The following PAWR variants were observed in gnomAD, a reference collection of about 807,000 sequenced individuals.
PAWR encodes pro-apoptotic WT1 regulator.
Under a neutral mutation model 32.0 loss-of-function variants are expected in PAWR, and 23 were observed. The observed-to-expected ratio is 0.72, with a 90% CI of 0.52 to 1.02. PAWR has a LOEUF of 1.02. Among genes scored for constraint, PAWR ranks in the 50% least tolerant of loss-of-function variants. PAWR has a pLI of 0.00. For missense variants in PAWR, 457 were observed against 437.7 expected, an observed-to-expected ratio of 1.04 and a Z score of -0.39; for synonymous variants, 226 against 187.1, an observed-to-expected ratio of 1.21 and a Z score of -1.70.
chr12:79,612,157 T>C (rs1388428112), intron 4 of PAWR, among the ~76,000 whole-genome samples: 2 of 152,136 alleles, frequency 1.3e-5, no homozygotes, highest in African/African-American at 4.8e-5. Context: ...TTTTTTCCAG[T>C]TTAAACTATT....
intron 2 of PAWR, among the ~76,000 whole-genome samples, chr12:79,671,123 TAAAA>T (rs80196711): frequency 1.0e-5 from 1 of 99,002 alleles, no homozygotes. Context: ...CCTTAGCACT[TAAAA>T]AAAAAAAAAA....
At chr12:79,656,393 A>G (rs1877095352) in intron 2 of PAWR, among the ~76,000 whole-genome samples, 1 of 152,184 alleles carries the variant, frequency 6.6e-6, no homozygotes, top group South Asian at 2.1e-4. Context: ...AATCTGAGCA[A>G]TATCTAGAAC....
rs8176842 is a variant in PAWR at position 79,637,191 on chromosome 12, G to C, written c.517-15984C>G. Among the ~76,000 whole-genome samples, 1,262 of 152,158 alleles carry C rather than the reference G, an allele frequency of 8.3e-3. 13 individuals are homozygous for C. The highest frequency in any genetic ancestry group is 0.025 in the African/African-American group (1,020 of 41,516). On this transcript the variant is annotated intron_variant, in intron 2 of 6. Coordinates refer to ENST00000328827, the MANE Select transcript of PAWR (RefSeq NM_002583.4). Reference sequence around the variant, plus strand: ...ATTAGAGCTCCCTAAAAGGGGGATGGGCAGGGCAGTCTATTTGGGATCACA... The same window carrying C: ...ATTAGAGCTCCCTAAAAGGGGGATGCGCAGGGCAGTCTATTTGGGATCACA...
chr12:79,648,143 C>T (rs548694964), intron 2 of PAWR, among the ~76,000 whole-genome samples: 11 of 152,130 alleles, frequency 7.2e-5, no homozygotes, highest in South Asian at 2.1e-4. Flanking sequence ...CACAGAATGG[C>T]GACCCCTGTT....
chr12:79,655,332 A>C (rs918904017), intron 2 of PAWR, among the ~76,000 whole-genome samples: 1 of 152,208 alleles, frequency 6.6e-6, no homozygotes, highest in East Asian at 1.9e-4. Context: ...AGGCTTTACA[A>C]AGAATGTGTG....
chr12:79,585,554 C>T lies in PAWR; in HGVS notation c.*7053G>A, dbSNP rs2136663792. ...TGTCACCTTACCAATCTGTACACTC[C>T]ACAAGTTTTTAAAAATTAAACAATA... On this transcript the variant is annotated 3_prime_UTR_variant, in exon 7 of 7. Coordinates refer to ENST00000328827, the MANE Select transcript of PAWR (RefSeq NM_002583.4). 6.5e-6 allele frequency: 1 copy of T among 154,860 alleles called. No homozygotes were observed. Among genetic ancestry groups the T allele is most frequent in the East Asian group, 1.9e-4 (1 of 5,256 alleles). The allele number at this position is 154,860 out of a possible 1,614,324, so 9.6% of individuals were successfully genotyped here.
At chr12:79,644,134 T>A (rs1377885080) in intron 2 of PAWR, among the ~76,000 whole-genome samples, 1 of 152,186 alleles carries the variant, frequency 6.6e-6, no homozygotes. Flanking sequence ...AATTTTAGAT[T>A]TGTTTAAATT....
intron 2 of PAWR, among the ~76,000 whole-genome samples, chr12:79,662,804 C>A (rs1205790827): frequency 2.6e-5 from 4 of 152,118 alleles, no homozygotes; most frequent in African/African-American, 9.7e-5. Context: ...ACTCTTAGCA[C>A]TTGGCATGTG....
chr12:79,608,949 G>T (rs1013491918), intron 4 of PAWR, among the ~76,000 whole-genome samples: 4 of 152,140 alleles, frequency 2.6e-5, no homozygotes, highest in Admixed American at 1.3e-4. Context: ...GGAGGCTGTG[G>T]CAGGAGAATC....
In PAWR at chr12:79,604,624, C is replaced by T. The variant is rs756260547; in HGVS notation, c.684-7966G>A. 3.1e-6 allele frequency: 4 copies of T among 1,284,750 alleles called. No homozygotes were observed. In the South Asian group the frequency reaches 5.0e-5, roughly 16 times the overall value. 79.6% of individuals were successfully genotyped at this position (1,284,750 alleles called of 1,614,324 possible). On this transcript the variant is annotated intron_variant, in intron 4 of 6. Coordinates refer to ENST00000328827, the MANE Select transcript of PAWR (RefSeq NM_002583.4). ...AACCAACAACTACTTAACTGGCTTCCATCCTTTTAGTATCTTTCACTGCCC... is the reference window on the plus strand; with the variant it reads ...AACCAACAACTACTTAACTGGCTTCTATCCTTTTAGTATCTTTCACTGCCC...
rs1045411594 is a variant in PAWR, at chr12:79,591,544, A to G, written c.*1063T>C. The G allele has an allele frequency of 6.6e-5, 10 of 152,182 alleles. No individual in the cohort carries two copies. The highest frequency in any genetic ancestry group is 1.0e-4 in the Non-Finnish European group (7 of 68,022). The allele number at this position is 152,182 out of a possible 1,614,324, so 9.4% of individuals were successfully genotyped here. A position where few individuals can be genotyped will look rare whatever the true frequency, so the allele number is the denominator to read the frequency against. On this transcript the variant is annotated 3_prime_UTR_variant, in exon 7 of 7. Transcript: ENST00000328827. ...ATATTTAATAGAAGAAAAAATCTGT[A>G]TAATTATTTAGAAGTAACTCTGTTT...
chr12:79,622,011 C>T (rs569369692), intron 2 of PAWR, among the ~76,000 whole-genome samples: 49 of 151,726 alleles, frequency 3.2e-4, no homozygotes, highest in Non-Finnish European at 5.2e-4. Flanking sequence ...CAGACAAAAA[C>T]AAATAAACAA....
intron 2 of PAWR, among the ~76,000 whole-genome samples, chr12:79,635,313 C>G (rs917188618): frequency 6.6e-5 from 10 of 151,962 alleles, no homozygotes; most frequent in African/African-American, 1.9e-4. Flanking sequence ...CTCAGTGATT[C>G]TTTCATAATA....
chr12:79,615,915 G>C (rs1279221655), intron 3 of PAWR, among the ~76,000 whole-genome samples: 3 of 151,856 alleles, frequency 2.0e-5, no homozygotes, highest in African/African-American at 7.3e-5. Context: ...AAATTAGCTG[G>C]GTGAAGTGGC....
chr12:79,656,535 A>T (rs767296754), intron 2 of PAWR, among the ~76,000 whole-genome samples: 4 of 152,196 alleles, frequency 2.6e-5, no homozygotes, highest in Non-Finnish European at 5.9e-5. Context: ...TACTACTCAC[A>T]AGTTAGGAAT....
chr12:79,666,556 A>G (rs1285385322), intron 2 of PAWR, among the ~76,000 whole-genome samples: 2 of 152,202 alleles, frequency 1.3e-5, no homozygotes, highest in African/African-American at 4.8e-5. Context: ...AAAGTTTCCA[A>G]CGGTTACATG....
intron 2 of PAWR, among the ~76,000 whole-genome samples, chr12:79,640,812 G>A (rs560978055): frequency 1.3e-5 from 2 of 152,262 alleles, no homozygotes; most frequent in East Asian, 3.9e-4. Flanking sequence ...GGACTTAGGA[G>A]AAGACTGATT....
chr12:79,664,663 G>GC (rs1039933132), intron 2 of PAWR, among the ~76,000 whole-genome samples: 89 of 149,192 alleles, frequency 6.0e-4, no homozygotes, highest in Non-Finnish European at 6.4e-4. Context: ...TTTGGCGGGG[G>GC]GGGGAGGAGA....
At chr12:79,688,515 C>T (rs1225242179) in intron 2 of PAWR, 4 of 146,118 alleles carry the variant, frequency 2.7e-5, no homozygotes, top group Admixed American at 2.0e-4. Context: ...ACCACTCTTA[C>T]GAATTCCTTC....
Sources: allele counts gnomAD v4.1 joint callset (sites outside exome capture counted in the v4.1 genomes callset), GRCh38; gene constraint gnomAD v4.1.1; transcripts MANE v1.5; gene names NCBI Gene and HGNC (gene_info 2026-07-23, HGNC 2026-07-21).